Variants in TRPV4 observed in about 807,000 individuals in gnomAD.
The protein encoded by TRPV4 is OSM9-like transient receptor potential channel 4.
In TRPV4, 58 loss-of-function variants were observed where a neutral mutation model predicts 84.1. The ratio of observed to expected loss-of-function variants is 0.69; its 90% CI spans 0.56 to 0.86. The LOEUF (loss-of-function observed/expected upper bound fraction) is 0.86. TRPV4 is among the 40% of genes least tolerant of loss of function. The pLI is 0.00. For missense variants in TRPV4, 879 were observed against 1,181.1 expected, an observed-to-expected ratio of 0.74 and a Z score of 3.75; for synonymous variants, 489 against 500.9, an observed-to-expected ratio of 0.98 and a Z score of 0.32.
In TRPV4 at chr12:109,783,391, C is replaced by A. The variant is rs181542514; in HGVS notation, c.*230G>T. On this transcript the variant is annotated 3_prime_UTR_variant, in exon 16 of 16. Coordinates refer to ENST00000261740, the MANE Select transcript of TRPV4 (RefSeq NM_021625.5). The surrounding 1 kb of genome is among the most constrained non-coding windows in gnomAD (Gnocchi z 4.6). ...GGGGCCTGAGGTGGAGGGGCTCTGG[C>A]GTTGGCTTATGTGACTCCATAGGAG... 1.9e-6 allele frequency: 1 copy of A among 530,902 alleles called. No homozygotes were observed. The highest frequency in any genetic ancestry group is 3.3e-6 in the Non-Finnish European group (1 of 302,656). The allele number at this position is 530,902 out of a possible 1,614,324, so 32.9% of individuals were successfully genotyped here.
chr12:109,810,586 C>A (rs1450350340), intron 2 of TRPV4, among the ~76,000 whole-genome samples: 2 of 152,166 alleles, frequency 1.3e-5, no homozygotes, highest in African/African-American at 2.4e-5. Context: ...CAGGTACTGG[C>A]AAAGGGGATC....
In TRPV4 at chr12:109,783,915, G is replaced by T; in HGVS notation, c.2459-137C>A. ...TGACTATGCTCATTTTACAGAGGTG[G>T]AAACTGGGGCTCAAGAGAGGTCAAG... On this transcript the variant is annotated intron_variant, in intron 15 of 15. Transcript: ENST00000261740. This position sits in a 1 kb window ranked among gnomAD's most constrained non-coding sequence, Gnocchi z 4.6. The T allele has an allele frequency of 9.1e-7, 1 of 1,101,522 alleles. No homozygotes were observed. The highest frequency in any genetic ancestry group is 1.3e-6 in the Non-Finnish European group (1 of 771,402). The allele number at this position is 1,101,522 out of a possible 1,614,324, so 68.2% of individuals were successfully genotyped here. A position where few individuals can be genotyped will look rare whatever the true frequency, so the allele number is the denominator to read the frequency against.
In TRPV4 at chr12:109,784,023, G is replaced by A. The variant is rs138897708; in HGVS notation, c.2459-245C>T. Among the ~76,000 whole-genome samples, 1,187 of 152,258 alleles carry A rather than the reference G, an allele frequency of 7.8e-3. 23 individuals carry two copies. Among genetic ancestry groups the A allele is most frequent in the African/African-American group, 0.027 (1,119 of 41,536 alleles). ...GAGTGCCTGTGTCCTCTCCAGCTGC[G>A]TCTCGCGTGCTCATGGCTTACTGGA... On this transcript the variant is annotated intron_variant, in intron 15 of 15. Coordinates refer to ENST00000261740, the MANE Select transcript of TRPV4 (RefSeq NM_021625.5).
chr12:109,827,175 A>C (rs1892273840), intron 1 of TRPV4, among the ~76,000 whole-genome samples: 1 of 152,180 alleles, frequency 6.6e-6, no homozygotes. Context: ...CTTACGGAGC[A>C]CCTGCTATGT....
At position 109,815,886 on chromosome 12, in the gene TRPV4, C is replaced by T. The variant is rs908075129; in HGVS notation, c.-31-1059G>A. Among the ~76,000 whole-genome samples, 2 of 152,270 alleles carry T rather than the reference C, an allele frequency of 1.3e-5. No homozygotes were observed. The highest frequency in any genetic ancestry group is 4.8e-5 in the African/African-American group (2 of 41,476). ...CTGGACTTGAACCATGTCTCTCTGG[C>T]TCCCGGGTCCAGTGCTTAGCCAGGA... On this transcript the variant is annotated intron_variant, in intron 1 of 15. Transcript: ENST00000261740. The surrounding 1 kb of genome is among the most constrained non-coding windows in gnomAD (Gnocchi z 4.1).
At chr12:109,791,484 T>A (rs1185369418) in intron 12 of TRPV4, among the ~76,000 whole-genome samples, 1 of 148,206 alleles carries the variant, frequency 6.7e-6, no homozygotes, top group African/African-American at 2.5e-5. Context: ...ACCAGCTTTT[T>A]TTTTTTTTTT....
At position 109,814,396 on chromosome 12, in the gene TRPV4, G is replaced by A; in HGVS notation, c.386+15C>T. The A allele has an allele frequency of 6.2e-7, 1 of 1,613,374 alleles. No individual in the cohort carries two copies. The highest frequency in any genetic ancestry group is 1.1e-5 in the South Asian group (1 of 90,790). ...AGAGGAGGAGACCACAGGCCAGGAA[G>A]CTAACAATACTCACTCTATGATCTT... On this transcript the variant is annotated intron_variant, in intron 2 of 15. Coordinates refer to ENST00000261740, the MANE Select transcript of TRPV4 (RefSeq NM_021625.5). This position sits in a 1 kb window ranked among gnomAD's most constrained non-coding sequence, Gnocchi z 5.4.
At chr12:109,813,558 G>T (rs1891656587) in intron 2 of TRPV4, among the ~76,000 whole-genome samples, 1 of 147,352 alleles carries the variant, frequency 6.8e-6, no homozygotes, top group Non-Finnish European at 1.5e-5. Flanking sequence ...TAAATGAGTG[G>T]GTGGATGGAT....
In TRPV4 at chr12:109,798,852, G is replaced by A. The variant is rs754582307; in HGVS notation, c.914C>T (p.Thr305Met). Residue 305 changes from threonine (T) to methionine (M), a missense_variant, in exon 6 of 16, where the codon ACG becomes ATG. By Grantham distance (81) the Thr-to-Met change is moderately conservative. Transcript: ENST00000261740. The surrounding 1 kb of genome is among the most constrained non-coding windows in gnomAD (Gnocchi z 5.0). ...GTCCGCCTTCTTGTGGGGGTTCTCC[G>A]TCAGGTAGTTGACAATGTGGGGCTG... ...TNQPHIVNYL[T>M]ENPHKKADMR... is the part of the protein sequence containing the mutation. The A allele has an allele frequency of 2.2e-5, 36 of 1,614,062 alleles. No individual in the cohort carries two copies. Among genetic ancestry groups the A allele is most frequent in the African/African-American group, 4.0e-5 (3 of 75,042 alleles).
At chr12:109,792,880 G>C in intron 10 of TRPV4, 63 bp from the exon 11 acceptor site, 1 of 1,569,696 alleles carries the variant, frequency 6.4e-7, no homozygotes, top group South Asian at 1.1e-5. Flanking sequence ...GGCTCTGGAG[G>C]GGAAGACACG....
chr12:109,813,958 T>C (rs1284143888), intron 2 of TRPV4, among the ~76,000 whole-genome samples: 1 of 151,308 alleles, frequency 6.6e-6, no homozygotes, highest in Non-Finnish European at 1.5e-5. Flanking sequence ...GGATGATGTA[T>C]AAATGAATAG....
In TRPV4 at chr12:109,792,935, A is replaced by AC. The variant is rs1890139140; in HGVS notation, c.1659-119dup. 3 of 998,616 alleles carry AC rather than the reference A, an allele frequency of 3.0e-6. No individual in the cohort carries two copies. The East Asian group carries it at 7.8e-5, about 26-fold the overall frequency. 61.9% of individuals were successfully genotyped at this position (998,616 alleles called of 1,614,324 possible). A position where few individuals can be genotyped will look rare whatever the true frequency, so the allele number is the denominator to read the frequency against. ...ATCAGGACTTCCCAATGCCTTCTAGACCCCCAGAAAAGAAACAAAGTGGAT... is the reference window on the plus strand; with the variant it reads ...ATCAGGACTTCCCAATGCCTTCTAGACCCCCCAGAAAAGAAACAAAGTGGAT... On this transcript the variant is annotated intron_variant, in intron 10 of 15. Transcript: ENST00000261740.
Position 109,796,454 on chromosome 12 carries a change from C to T in TRPV4, c.1332+71G>A. On this transcript the variant is annotated intron_variant, in intron 7 of 15. Transcript: ENST00000261740. The surrounding 1 kb of genome is among the most constrained non-coding windows in gnomAD (Gnocchi z 4.2). Reference sequence around the variant, plus strand: ...CTGGGGCTGTCTCCCCCAGCCCAGCCCCAGGGCCCTGTCCCTACTCCCAGC... The same window carrying T: ...CTGGGGCTGTCTCCCCCAGCCCAGCTCCAGGGCCCTGTCCCTACTCCCAGC... 1 of 1,579,460 alleles carries T rather than the reference C, an allele frequency of 6.3e-7. No individual in the cohort carries two copies. The highest frequency in any genetic ancestry group is 1.7e-5 in the Admixed American group (1 of 57,412).
chr12:109,811,657 CAAA>C (rs753185768), intron 2 of TRPV4, among the ~76,000 whole-genome samples: 4 of 108,724 alleles, frequency 3.7e-5, no homozygotes, highest in Admixed American at 9.6e-5. Flanking sequence ...GAACCTGTCT[CAAA>C]AAAAAAAAAA....
rs75087758 is a variant in TRPV4, at chr12:109,783,834, G to A, written c.2459-56C>T. On this transcript the variant is annotated intron_variant, in intron 15 of 15. Transcript: ENST00000261740. This position sits in a 1 kb window ranked among gnomAD's most constrained non-coding sequence, Gnocchi z 4.6. ...GGGGGTTGGTGGAGAGAGAGCGTGC[G>A]TATATTGAGTGCCTACTGTGTACTG... 2,292 of 1,590,702 alleles carry A rather than the reference G, an allele frequency of 1.4e-3. 44 individuals carry two copies. In the East Asian group the frequency reaches 0.04, roughly 28 times the overall value.
chr12:109,794,985 T>C (rs1890303015), intron 7 of TRPV4, among the ~76,000 whole-genome samples: 1 of 152,152 alleles, frequency 6.6e-6, no homozygotes, highest in Admixed American at 6.5e-5. Context: ...ACTACTGCAC[T>C]CCAGCCTGGG....
At chr12:109,784,575 A>C in intron 14 of TRPV4, 138 bp from the exon 15 acceptor site, 1 of 1,338,532 alleles carries the variant, frequency 7.5e-7, no homozygotes, top group Admixed American at 2.0e-5. Flanking sequence ...CATGCCTGCA[A>C]TCCCAGCACT....
chr12:109,806,729 C>A (rs1244186533), intron 3 of TRPV4, among the ~76,000 whole-genome samples: 2 of 151,148 alleles, frequency 1.3e-5, no homozygotes, highest in Non-Finnish European at 2.9e-5. Context: ...GGCATGGTAG[C>A]TTGCACCTGT....
At chr12:109,813,403 C>A (rs868834097) in intron 2 of TRPV4, among the ~76,000 whole-genome samples, 2 of 151,200 alleles carry the variant, frequency 1.3e-5, no homozygotes, top group Admixed American at 6.6e-5. Flanking sequence ...CAGAGCAAGA[C>A]TCCATCTCAA....
Sources: allele counts gnomAD v4.1 joint callset (sites outside exome capture counted in the v4.1 genomes callset), GRCh38; gene constraint gnomAD v4.1.1; non-coding constraint Gnocchi (gnomAD v3.1); transcripts MANE v1.5; gene names NCBI Gene and HGNC (gene_info 2026-07-23, HGNC 2026-07-21).